Variants in TRIM37 observed in about 807,000 individuals in gnomAD.
TRIM37 encodes E3 ubiquitin-protein ligase TRIM37.
A neutral mutation model predicts 129.8 loss-of-function variants in TRIM37; 80 were observed. The observed-to-expected ratio is 0.62, with a 90% CI of 0.51 to 0.74. TRIM37 has a LOEUF of 0.74. Ranked by LOEUF, TRIM37 falls within the 30% of genes least tolerant of loss-of-function variation. The probability of loss-of-function intolerance (pLI) is 0.00; values close to 1 mark genes in which losing one functional copy is unlikely to be tolerated. For synonymous variants in TRIM37, 389 were observed against 387.1 expected (o/e 1.00, Z -0.06); for missense variants, 1,054 against 1,176.5 (o/e 0.90, Z 1.52).
intron 10 of TRIM37, among the ~76,000 whole-genome samples, chr17:59,063,083 A>G (rs2041633106): frequency 6.6e-6 from 1 of 152,208 alleles, no homozygotes. Context: ...CGTGTGGGAA[A>G]AACCTCAAAG....
chr17:59,070,230 C>A (rs985624880), intron 9 of TRIM37, among the ~76,000 whole-genome samples: 1 of 152,070 alleles, frequency 6.6e-6, no homozygotes, highest in African/African-American at 2.4e-5. Context: ...AAGGTTTAGC[C>A]CAAGATGAAA....
chr17:59,030,115 A>AT (rs376055556), intron 18 of TRIM37, among the ~76,000 whole-genome samples: 68 of 146,346 alleles, frequency 4.6e-4, no homozygotes, highest in Admixed American at 6.1e-4. Flanking sequence ...ATTCCAGTTC[A>AT]TTTTTTTTTT....
At chr17:59,095,800 C>G (rs979297693) in intron 2 of TRIM37, among the ~76,000 whole-genome samples, 43 of 152,296 alleles carry the variant, frequency 2.8e-4, no homozygotes, top group African/African-American at 1.0e-3. Context: ...CTCACTGCAG[C>G]CTCAACCTCT....
At chr17:59,046,485 T>C (rs910439516) in intron 16 of TRIM37, among the ~76,000 whole-genome samples, 6 of 152,160 alleles carry the variant, frequency 3.9e-5, no homozygotes, top group African/African-American at 1.4e-4. Context: ...ACTGAGGGAC[T>C]TTCTACAAAA....
chr17:58,999,535 TTAAA>T, intron 23 of TRIM37, 76 bp from the exon 24 acceptor site: 1 of 1,161,606 alleles, frequency 8.6e-7, no homozygotes, highest in Non-Finnish European at 1.2e-6. Context: ...TCCCAAGTCT[TTAAA>T]TAATCTTACC....
chr17:58,980,798 C>T (rs764019992), downstream of TRIM37: 126 of 1,614,062 alleles, frequency 7.8e-5, no homozygotes, highest in Admixed American at 3.8e-4. The surrounding 1 kb of genome is among the most constrained non-coding windows in gnomAD (Gnocchi z 4.7). Context: ...AAAGAAGTGG[C>T]ACAGATTCAG....
chr17:59,086,687 C>T (rs2043784548), intron 4 of TRIM37, among the ~76,000 whole-genome samples: 1 of 152,194 alleles, frequency 6.6e-6, no homozygotes, highest in Admixed American at 6.5e-5. Context: ...ACATCAGGTA[C>T]TGTTTGGAAG....
At chr17:59,093,861 T>C (rs959171513) in intron 2 of TRIM37, among the ~76,000 whole-genome samples, 2 of 152,142 alleles carry the variant, frequency 1.3e-5, no homozygotes, top group African/African-American at 4.8e-5. Context: ...CTCTGAATAT[T>C]TGTGGTATTT....
downstream of TRIM37, among the ~76,000 whole-genome samples, chr17:58,996,818 G>A (rs1444820588): frequency 2.7e-5 from 4 of 149,916 alleles, no homozygotes; most frequent in Non-Finnish European, 4.4e-5. Flanking sequence ...GTGTGTGTGT[G>A]TGTATGTATG....
At chr17:58,972,066 C>T in the TRIM37 span, 7 of 1,460,682 alleles carry the variant, frequency 4.8e-6, no homozygotes, top group Admixed American at 2.1e-5. Flanking sequence ...TTATAAATTG[C>T]TTCTCAATAA....
chr17:59,028,808 T>C, intron 18 of TRIM37, 85 bp from the exon 19 acceptor site: 1 of 1,437,292 alleles, frequency 7.0e-7, no homozygotes, highest in South Asian at 1.2e-5. Flanking sequence ...AAATTTGATG[T>C]GTAAAATAAG....
At chr17:59,026,710 C>G (rs2037289416) in intron 19 of TRIM37, among the ~76,000 whole-genome samples, 1 of 152,156 alleles carries the variant, frequency 6.6e-6, no homozygotes, top group Non-Finnish European at 1.5e-5. Flanking sequence ...TGTGAAACTT[C>G]TTTTAAAGAA....
chr17:59,009,448 T>TC (rs34320764), intron 22 of TRIM37, among the ~76,000 whole-genome samples: 50,818 of 146,888 alleles, frequency 0.35, 9,355 homozygotes, highest in East Asian at 0.53. Context: ...CTTTTCTTTT[T>TC]TTTTTTTTTT....
chr17:59,013,305 G>C (rs958492521), intron 21 of TRIM37, among the ~76,000 whole-genome samples: 2 of 151,878 alleles, frequency 1.3e-5, no homozygotes, highest in Non-Finnish European at 2.9e-5. Flanking sequence ...CACCACGCCC[G>C]GCAATTTTTG....
intron 22 of TRIM37, among the ~76,000 whole-genome samples, chr17:59,008,251 T>C (rs2034797713): frequency 6.6e-6 from 1 of 152,250 alleles, no homozygotes; most frequent in Non-Finnish European, 1.5e-5. Context: ...GGTGTACTTC[T>C]GTGTCCCTGT....
chr17:59,079,629 TAAC>T (rs2043096377), intron 7 of TRIM37, 122 bp downstream of exon 7: 1 of 1,209,910 alleles, frequency 8.3e-7, no homozygotes, highest in Non-Finnish European at 1.2e-6. Flanking sequence ...GTCTAAATTG[TAAC>T]AACATGGAGT....
At chr17:59,105,741 T>G (rs1292219919) in intron 1 of TRIM37, among the ~76,000 whole-genome samples, 1 of 152,150 alleles carries the variant, frequency 6.6e-6, no homozygotes, top group East Asian at 1.9e-4. Context: ...GACTACTGAA[T>G]GACTAGTTTC....
chr17:58,970,118 C>T, the TRIM37 span, among the ~76,000 whole-genome samples: 1 of 152,180 alleles, frequency 6.6e-6, no homozygotes, highest in African/African-American at 2.4e-5. Flanking sequence ...GAAACAGAAA[C>T]TGGGATTACT....
rs1366537095 is a variant in TRIM37 at position 59,075,696 on chromosome 17, G to C, written c.635C>G (p.Thr212Ser). 1 of 1,610,978 alleles carries C rather than the reference G, an allele frequency of 6.2e-7. No individual in the cohort carries two copies. Among genetic ancestry groups the C allele is most frequent in the East Asian group, 2.2e-5 (1 of 44,850 alleles). Residue 212 changes from threonine (T) to serine (S), a missense_variant, in exon 8 of 24, where the codon ACC becomes AGC. By Grantham distance (58) the Thr-to-Ser change is moderately conservative. Around this residue, in one of 3 missense-constraint regions of TRIM37, gnomAD observed 752 missense variants for 870.8 expected, o/e 0.86. Transcript: ENST00000262294. ...ITLMGQKTSL[T>S]QETELLESLL... ...GGATTCCAAAAGCTCTGTTTCTTGG[G>C]TTAGAGATGTCTTCTGACCTGATGA...
Sources: gnomAD v4.1 joint callset for allele counts (sites outside exome capture counted in the v4.1 genomes callset) on GRCh38, gnomAD v4.1.1 for gene constraint, gnomAD v4.1.1 regional missense constraint, Gnocchi (gnomAD v3.1) non-coding constraint, MANE v1.5 for transcripts, NCBI Gene and HGNC (gene_info 2026-07-23, HGNC 2026-07-21) for gene names.